PTPRD: variants seen among roughly 807,000 people sequenced by gnomAD.
PTPRD encodes receptor-type tyrosine-protein phosphatase delta.
A neutral mutation model predicts 214.5 loss-of-function variants in PTPRD; 34 were observed. The ratio of observed to expected loss-of-function variants is 0.16; its 90% CI spans 0.12 to 0.21. The LOEUF is 0.21. PTPRD is among the 10% of genes least tolerant of loss of function. PTPRD has a pLI of 1.00. For synonymous variants in PTPRD, 1,128 were observed against 845.7 expected, an observed-to-expected ratio of 1.33 and a Z score of -5.79; for missense variants, 2,545 against 2,398.7, an observed-to-expected ratio of 1.06 and a Z score of -1.27.
At chr9:8,998,877 C>T (rs1323372531) in intron 11 of PTPRD, among the ~76,000 whole-genome samples, 1 of 151,998 alleles carries the variant, frequency 6.6e-6, no homozygotes, top group Non-Finnish European at 1.5e-5. Flanking sequence ...TCACAGATGA[C>T]TTTGAGAGGT....
intron 2 of PTPRD, among the ~76,000 whole-genome samples, chr9:10,522,527 T>A (rs1315282139): frequency 6.6e-6 from 1 of 152,110 alleles, no homozygotes. Flanking sequence ...GTCAGAATGT[T>A]TGGAATTTGT....
chr9:8,450,737 G>C (rs981791891), intron 33 of PTPRD, among the ~76,000 whole-genome samples: 1 of 152,074 alleles, frequency 6.6e-6, no homozygotes, highest in Non-Finnish European at 1.5e-5. Context: ...CTGTATATAA[G>C]ATTTCTTTAT....
intron 10 of PTPRD, among the ~76,000 whole-genome samples, chr9:9,063,913 G>C (rs1284732151): frequency 6.6e-6 from 1 of 152,106 alleles, no homozygotes; most frequent in Non-Finnish European, 1.5e-5. Flanking sequence ...AAAGAGAGTA[G>C]TCTTCTATTT....
At chr9:9,676,372 C>T (rs564531496) in intron 7 of PTPRD, among the ~76,000 whole-genome samples, 30 of 149,060 alleles carry the variant, frequency 2.0e-4, no homozygotes, top group South Asian at 8.6e-4. Flanking sequence ...GGAGAACATG[C>T]GGTGTTTGGT....
intron 32 of PTPRD, among the ~76,000 whole-genome samples, chr9:8,461,918 G>C (rs1009004458): frequency 1.3e-5 from 2 of 151,858 alleles, no homozygotes; most frequent in Non-Finnish European, 2.9e-5. Context: ...CCAAAGTTCT[G>C]AGATTATAGG....
intron 3 of PTPRD, among the ~76,000 whole-genome samples, chr9:10,234,078 C>A (rs2099621135): frequency 6.6e-6 from 1 of 151,602 alleles, no homozygotes; most frequent in South Asian, 2.1e-4. Flanking sequence ...CATGGTGAAA[C>A]CCTGTGTCTA....
chr9:9,982,582 G>T (rs2095581427), intron 4 of PTPRD, among the ~76,000 whole-genome samples: 1 of 151,254 alleles, frequency 6.6e-6, no homozygotes, highest in African/African-American at 2.4e-5. Context: ...CCCTCCTGAG[G>T]TAAGTTTCTT....
intron 2 of PTPRD, among the ~76,000 whole-genome samples, chr9:10,456,347 CGT>C (rs2098917166): frequency 6.6e-6 from 1 of 151,848 alleles, no homozygotes; most frequent in South Asian, 2.1e-4. Context: ...CTCTGCATAA[CGT>C]GTATTGCACT....
At chr9:9,557,723 C>T (rs2081890378) in intron 8 of PTPRD, among the ~76,000 whole-genome samples, 1 of 152,118 alleles carries the variant, frequency 6.6e-6, no homozygotes, top group Admixed American at 6.5e-5. Flanking sequence ...TTGATAATTG[C>T]CAGTTAGAAA....
chr9:8,319,044 C>G (rs1266191861), intron 45 of PTPRD, among the ~76,000 whole-genome samples: 1 of 151,980 alleles, frequency 6.6e-6, no homozygotes, highest in Non-Finnish European at 1.5e-5. Flanking sequence ...TTTTAAATGT[C>G]CAATTTCCCT....
At chr9:9,832,845 T>C (rs570840815) in intron 5 of PTPRD, among the ~76,000 whole-genome samples, 59 of 151,032 alleles carry the variant, frequency 3.9e-4, no homozygotes, top group Non-Finnish European at 8.1e-4. Flanking sequence ...GACTCCTCAA[T>C]GAGTTTTTGT....
intron 2 of PTPRD, among the ~76,000 whole-genome samples, chr9:10,548,679 C>A (rs1265105733): frequency 6.6e-6 from 1 of 152,144 alleles, no homozygotes; most frequent in East Asian, 1.9e-4. Flanking sequence ...CTGAGTTTCT[C>A]ACTAGTGATT....
intron 2 of PTPRD, among the ~76,000 whole-genome samples, chr9:10,407,386 T>C (rs948044118): frequency 4.0e-5 from 6 of 151,526 alleles, no homozygotes; most frequent in African/African-American, 1.5e-4. Context: ...ATCATAATTC[T>C]TATGTTGAGT....
At chr9:9,448,849 G>A (rs1028729791) in intron 8 of PTPRD, among the ~76,000 whole-genome samples, 12 of 152,040 alleles carry the variant, frequency 7.9e-5, no homozygotes, top group African/African-American at 2.9e-4. Context: ...AAAAAGCAGG[G>A]TGGCTAATGG....
At chr9:10,199,998 C>T (rs978348737) in intron 3 of PTPRD, among the ~76,000 whole-genome samples, 1 of 151,716 alleles carries the variant, frequency 6.6e-6, no homozygotes, top group Non-Finnish European at 1.5e-5. Context: ...AATTAAAATA[C>T]AATTATTTAT....
intron 10 of PTPRD, among the ~76,000 whole-genome samples, chr9:9,108,683 CT>C (rs1440117698): frequency 3.9e-5 from 6 of 152,150 alleles, no homozygotes; most frequent in Admixed American, 3.3e-4. Flanking sequence ...CAAATTACTT[CT>C]TTTTACAGCA....
intron 5 of PTPRD, among the ~76,000 whole-genome samples, chr9:9,913,177 G>GA (rs2079702107): frequency 6.6e-6 from 1 of 152,018 alleles, no homozygotes; most frequent in Non-Finnish European, 1.5e-5. Flanking sequence ...TCATTTTTAT[G>GA]AAAAAAGAAA....
chr9:10,079,852 C>A (rs1466269487), intron 3 of PTPRD, among the ~76,000 whole-genome samples: 2 of 151,718 alleles, frequency 1.3e-5, no homozygotes, highest in Admixed American at 6.6e-5. Context: ...ATGAAGTGCA[C>A]ATAGTTAGAT....
intron 4 of PTPRD, among the ~76,000 whole-genome samples, chr9:10,005,392 TC>T (rs2096452375): frequency 6.6e-6 from 1 of 152,142 alleles, no homozygotes; most frequent in African/African-American, 2.4e-5. Flanking sequence ...TGTGCTCAGT[TC>T]CTGCGGACTG....
Sources: gnomAD v4.1 joint callset for allele counts (sites outside exome capture counted in the v4.1 genomes callset) on GRCh38, gnomAD v4.1.1 for gene constraint, MANE v1.5 for transcripts, NCBI Gene and HGNC (gene_info 2026-07-23, HGNC 2026-07-21) for gene names.